Variants in NUDT7 observed in about 807,000 individuals in gnomAD.
NUDT7 encodes peroxisomal coenzyme A diphosphatase NUDT7.
A neutral mutation model predicts 13.1 loss-of-function variants in NUDT7; 19 were observed. The ratio of observed to expected loss-of-function variants is 1.45; its 90% CI spans 1.01 to 2.13. NUDT7 has a LOEUF of 2.13. Ranked by LOEUF, NUDT7 falls within the 30% of genes most tolerant of loss-of-function variation. The probability of loss-of-function intolerance (pLI) is 0.00; values close to 1 mark genes in which losing one functional copy is unlikely to be tolerated. For missense variants in NUDT7, 360 were observed against 291.7 expected, an observed-to-expected ratio of 1.23 and a Z score of -1.71; for synonymous variants, 132 against 109.7, an observed-to-expected ratio of 1.20 and a Z score of -1.27.
Position 77,726,840 on chromosome 16 carries a change from A to G in NUDT7, c.189+1256A>G, listed in dbSNP as rs547573095. On this transcript the variant is annotated intron_variant, in intron 2 of 3. Coordinates refer to ENST00000268533, the MANE Select transcript of NUDT7 (RefSeq NM_001105663.3). The stretch of plus-strand genomic sequence containing the variant: ...AAAAAGAAATATCTGAGTCTGGGTA[A>G]TTTATAAAGAAAAGAGGTTTCATTG... 3.3e-5 allele frequency among the ~76,000 whole-genome samples: 5 copies of G among 152,210 alleles called. No individual in the cohort carries two copies. In the South Asian group the frequency reaches 1.0e-3, roughly 32 times the overall value.
rs1287047918 is a variant in NUDT7 at position 77,725,418 on chromosome 16, GTTT to G, written c.36-10_36-8del. ...GCTTGCTAAAATGTCTGTCTGGTTT[GTTT>G]TTATTTTAGAAACAGTTTGCTAGAT... On this transcript the variant is annotated splice_polypyrimidine_tract_variant and intron_variant, in intron 1 of 3. Transcript: ENST00000268533. The G allele has an allele frequency of 6.2e-7, 1 of 1,604,712 alleles. No individual in the cohort carries two copies.
At chr16:77,733,322 G>C (rs1475882991) in intron 2 of NUDT7, among the ~76,000 whole-genome samples, 2 of 152,190 alleles carry the variant, frequency 1.3e-5, no homozygotes, top group Non-Finnish European at 2.9e-5. Flanking sequence ...GGAGTCTGGT[G>C]AGGGCCCTGT....
intron 3 of NUDT7, among the ~76,000 whole-genome samples, chr16:77,737,677 G>A (rs1458130602): frequency 6.6e-6 from 1 of 152,054 alleles, no homozygotes; most frequent in Admixed American, 6.6e-5. Context: ...AGTAGAGACG[G>A]GGTTTCACCG....
At chr16:77,741,016 T>C (rs969532570) in intron 3 of NUDT7, among the ~76,000 whole-genome samples, 2 of 152,258 alleles carry the variant, frequency 1.3e-5, no homozygotes, top group Admixed American at 1.3e-4. Flanking sequence ...GAATATGTCA[T>C]AACTAGTATT....
chr16:77,740,035 C>G (rs1022033998), intron 3 of NUDT7, among the ~76,000 whole-genome samples: 28 of 152,124 alleles, frequency 1.8e-4, no homozygotes, highest in African/African-American at 6.3e-4. Context: ...GCATCTGAGT[C>G]CTTATCTCAG....
At position 77,742,252 on chromosome 16, in the gene NUDT7, A is replaced by G. The variant is rs1273215281; in HGVS notation, c.*302A>G. ...CTAGGCCCTTAATAAAGATTTTTTG[A>G]ATATATAACCATGTGGCATTTACCT... On this transcript the variant is annotated 3_prime_UTR_variant, in exon 4 of 4. Transcript: ENST00000268533. The G allele has an allele frequency of 1.8e-6, 1 of 544,786 alleles. No homozygotes were observed. The allele number at this position is 544,786 out of a possible 1,614,324, so 33.7% of individuals were successfully genotyped here. A position where few individuals can be genotyped will look rare whatever the true frequency, so the allele number is the denominator to read the frequency against.
intron 3 of NUDT7, chr16:77,737,473 G>GA (rs1567432119): frequency 5.2e-4 from 76 of 147,230 alleles, no homozygotes; most frequent in African/African-American, 1.8e-3. Flanking sequence ...AACTTTTCAT[G>GA]GTTTTTTTTT....
intron 2 of NUDT7, among the ~76,000 whole-genome samples, chr16:77,729,476 T>A (rs1401799589): frequency 2.0e-5 from 3 of 152,082 alleles, no homozygotes; most frequent in African/African-American, 7.2e-5. Context: ...TATCACCATA[T>A]ACATCATATA....
At chr16:77,722,936 G>C (rs308933) in intron 1 of NUDT7, among the ~76,000 whole-genome samples, 151,864 of 152,306 alleles carry the variant, frequency 1, 75,713 homozygotes, top group Middle Eastern at 1. Context: ...CAGACCCGCA[G>C]CAGGCAGCCC....
Position 77,742,199 on chromosome 16 carries a change from A to ATG in NUDT7, c.*249_*250insTG, listed in dbSNP as rs2014690947. 1 of 1,006,750 alleles carries ATG rather than the reference A, an allele frequency of 9.9e-7. No individual in the cohort carries two copies. The highest frequency in any genetic ancestry group is 1.3e-6 in the Non-Finnish European group (1 of 795,150). The allele number at this position is 1,006,750 out of a possible 1,614,324, so 62.4% of individuals were successfully genotyped here. A position where few individuals can be genotyped will look rare whatever the true frequency, so the allele number is the denominator to read the frequency against. ...AATATGTTAATAATATTTTTCTTAC[A>ATG]CATATAATAAAGAATATCTGGCACA... On this transcript the variant is annotated 3_prime_UTR_variant, in exon 4 of 4. Coordinates refer to ENST00000268533, the MANE Select transcript of NUDT7 (RefSeq NM_001105663.3).
intron 2 of NUDT7, among the ~76,000 whole-genome samples, chr16:77,732,954 T>A (rs1374007192): frequency 6.6e-6 from 1 of 152,158 alleles, no homozygotes; most frequent in Non-Finnish European, 1.5e-5. Flanking sequence ...ACGCATTTGG[T>A]AAGACATATT....
intron 2 of NUDT7, among the ~76,000 whole-genome samples, chr16:77,728,712 A>T (rs910985816): frequency 6.6e-6 from 1 of 152,042 alleles, no homozygotes; most frequent in African/African-American, 2.4e-5. Context: ...TGTTTTCGTT[A>T]TCTCCTTGTC....
intron 2 of NUDT7, among the ~76,000 whole-genome samples, chr16:77,729,548 G>C (rs2014246144): frequency 6.6e-6 from 1 of 151,750 alleles, no homozygotes; most frequent in African/African-American, 2.4e-5. Flanking sequence ...AAAAATTTAG[G>C]CCAGGCATGG....
At chr16:77,728,396 C>T (rs548853068) in intron 2 of NUDT7, among the ~76,000 whole-genome samples, 1 of 152,240 alleles carries the variant, frequency 6.6e-6, no homozygotes, top group African/African-American at 2.4e-5. Context: ...CCACGCCTGG[C>T]TAATTTTTGT....
At chr16:77,730,274 C>T (rs1003290030) in intron 2 of NUDT7, among the ~76,000 whole-genome samples, 1 of 152,108 alleles carries the variant, frequency 6.6e-6, no homozygotes, top group Non-Finnish European at 1.5e-5. Flanking sequence ...AACATCTCCC[C>T]AACCTCCCCC....
intron 2 of NUDT7, among the ~76,000 whole-genome samples, chr16:77,731,574 G>C (rs1199063315): frequency 1.3e-5 from 2 of 152,076 alleles, no homozygotes; most frequent in African/African-American, 4.8e-5. Flanking sequence ...TGACATTTCT[G>C]GTTTATGAAA....
chr16:77,727,806 G>A (rs976642361), intron 2 of NUDT7, among the ~76,000 whole-genome samples: 28 of 152,190 alleles, frequency 1.8e-4, no homozygotes, highest in African/African-American at 5.8e-4. Context: ...GCATTGAGCC[G>A]AGATCGTGCC....
intron 3 of NUDT7, chr16:77,736,653 TG>T (rs1394508728): frequency 1.1e-5 from 3 of 268,664 alleles, no homozygotes; most frequent in South Asian, 3.4e-5. Flanking sequence ...TTTATAGAGA[TG>T]GGGGTCTCGC....
Position 77,734,411 on chromosome 16 carries a change from C to G in NUDT7, c.190-1417C>G, listed in dbSNP as rs886879623. Among the ~76,000 whole-genome samples the G allele has an allele frequency of 9.9e-5, 15 of 152,100 alleles. No homozygotes were observed. In the East Asian group the frequency reaches 1.5e-3, roughly 16 times the overall value. On this transcript the variant is annotated intron_variant, in intron 2 of 3. Transcript: ENST00000268533. ...GGCCGAGGAGGGCAGATCACGAGGT[C>G]AGAAGATCGAGACCAGTCTGGCTAA...
Sources: allele counts gnomAD v4.1 joint callset (sites outside exome capture counted in the v4.1 genomes callset), GRCh38; gene constraint gnomAD v4.1.1; transcripts MANE v1.5; gene names NCBI Gene and HGNC (gene_info 2026-07-23, HGNC 2026-07-21).